Variants in CRACD observed in about 807,000 individuals in gnomAD.
CRACD encodes capping protein-inhibiting regulator of actin dynamics.
In CRACD, 56 loss-of-function variants were observed where a neutral mutation model predicts 106.8. The observed-to-expected ratio is 0.52, with a 90% CI of 0.42 to 0.66. CRACD has a LOEUF of 0.66. CRACD is among the 30% of genes least tolerant of loss of function. The pLI is 0.00. For synonymous variants in CRACD, 754 were observed against 670.8 expected (o/e 1.12, Z -1.92); for missense variants, 1,730 against 1,623.2 (o/e 1.07, Z -1.13).
intron 1 of CRACD, among the ~76,000 whole-genome samples, chr4:56,140,839 A>G (rs1420653398): frequency 1.3e-5 from 2 of 152,198 alleles, no homozygotes; most frequent in Non-Finnish European, 2.9e-5. Context: ...TTGTCCTTCC[A>G]TAATGCAGTC....
chr4:56,222,128 T>C (rs1385168176), intron 2 of CRACD, among the ~76,000 whole-genome samples: 2 of 152,200 alleles, frequency 1.3e-5, no homozygotes, highest in African/African-American at 4.8e-5. Flanking sequence ...TGCAAAGATA[T>C]GGAGCCAATC....
chr4:56,289,637 G>GCAGAATGCCTGGGCAA (rs1010469754), intron 3 of CRACD, among the ~76,000 whole-genome samples: 2 of 150,416 alleles, frequency 1.3e-5, no homozygotes, highest in African/African-American at 2.5e-5. Context: ...GACCACTGCA[G>GCAGAATGCCTGGGCAA]CAGAATGCCT....
chr4:56,229,846 C>T (rs1024376578), intron 2 of CRACD, among the ~76,000 whole-genome samples: 1 of 152,156 alleles, frequency 6.6e-6, no homozygotes, highest in Non-Finnish European at 1.5e-5. Flanking sequence ...CATTGCTACC[C>T]CTGCACAACT....
chr4:56,160,185 AT>A (rs544168622), intron 1 of CRACD, among the ~76,000 whole-genome samples: 10,259 of 63,092 alleles, frequency 0.16, 494 homozygotes, highest in African/African-American at 0.31. Context: ...CCATATTTTG[AT>A]TTTTTTTTTT....
At chr4:56,167,779 TA>T (rs1360114166) in intron 1 of CRACD, among the ~76,000 whole-genome samples, 2 of 152,208 alleles carry the variant, frequency 1.3e-5, no homozygotes, top group African/African-American at 4.8e-5. Context: ...TGAATGGACT[TA>T]AAAAATGTGA....
At chr4:56,142,642 A>G (rs976750366) in intron 1 of CRACD, among the ~76,000 whole-genome samples, 1 of 152,116 alleles carries the variant, frequency 6.6e-6, no homozygotes, top group Non-Finnish European at 1.5e-5. Flanking sequence ...TCAGCTATTT[A>G]TAACATTTTC....
intron 1 of CRACD, among the ~76,000 whole-genome samples, chr4:56,123,946 C>CTT (rs1350405591): frequency 2.3e-4 from 22 of 94,670 alleles, no homozygotes; most frequent in Admixed American, 3.1e-4. Context: ...ATTTTAAAAT[C>CTT]ATTTTTTTTT....
intron 1 of CRACD, among the ~76,000 whole-genome samples, chr4:56,175,799 T>C (rs534813138): frequency 2.0e-5 from 3 of 152,342 alleles, no homozygotes; most frequent in Admixed American, 6.5e-5. Flanking sequence ...GTAATCCCAA[T>C]TGTTAATTTT....
At chr4:56,069,606 T>G (rs568442083) in intron 1 of CRACD, among the ~76,000 whole-genome samples, 2 of 152,306 alleles carry the variant, frequency 1.3e-5, no homozygotes, top group Non-Finnish European at 2.9e-5. Flanking sequence ...GCTCCTACTT[T>G]TAAGGCACTC....
intron 1 of CRACD, among the ~76,000 whole-genome samples, chr4:56,110,981 T>C (rs1184223180): frequency 1.3e-5 from 2 of 152,108 alleles, no homozygotes; most frequent in Non-Finnish European, 2.9e-5. Context: ...CTGAAACAAT[T>C]AGTCACTCAG....
chr4:56,094,954 A>T (rs1311465594), intron 1 of CRACD, among the ~76,000 whole-genome samples: 1 of 152,206 alleles, frequency 6.6e-6, no homozygotes, highest in Non-Finnish European at 1.5e-5. Flanking sequence ...CAAGATATAG[A>T]TTATTTAGAA....
chr4:56,115,060 CTT>C (rs995584178), intron 1 of CRACD, among the ~76,000 whole-genome samples: 10 of 152,146 alleles, frequency 6.6e-5, no homozygotes, highest in African/African-American at 2.4e-4. Flanking sequence ...TTGGAATTGA[CTT>C]ATAGTAATTC....
chr4:56,240,803 C>A (rs542930155), intron 2 of CRACD, among the ~76,000 whole-genome samples: 1 of 152,164 alleles, frequency 6.6e-6, no homozygotes, highest in Non-Finnish European at 1.5e-5. Flanking sequence ...AAAGAAGATT[C>A]TTAGGTTTGT....
chr4:56,135,327 A>G (rs1249862741), intron 1 of CRACD, among the ~76,000 whole-genome samples: 1 of 152,208 alleles, frequency 6.6e-6, no homozygotes, highest in Non-Finnish European at 1.5e-5. Flanking sequence ...TGCTTTTGCT[A>G]AAAGCCATGT....
rs1577926278 is a variant in CRACD at position 56,328,493 on chromosome 4, T to C, written c.*689T>C. 2 of 464,622 alleles carry C rather than the reference T, an allele frequency of 4.3e-6. No individual in the cohort carries two copies. The highest frequency in any genetic ancestry group is 1.1e-4 in the East Asian group (2 of 17,558). The allele number at this position is 464,622 out of a possible 1,614,324, so 28.8% of individuals were successfully genotyped here. On this transcript the variant is annotated 3_prime_UTR_variant, in exon 11 of 11. Coordinates refer to ENST00000682029, the MANE Select transcript of CRACD (RefSeq NM_001393381.1). ...CCCTCCTTAAGGACATGTGAAGCAT[T>C]TGGCCCAGTTGGCTCCCAGGGAACA...
At chr4:56,080,532 C>T (rs1732986962) in intron 1 of CRACD, among the ~76,000 whole-genome samples, 1 of 152,250 alleles carries the variant, frequency 6.6e-6, no homozygotes, top group Non-Finnish European at 1.5e-5. Context: ...AGTGCTGTTA[C>T]AGCACACATG....
Position 56,316,505 on chromosome 4 carries a change from T to G in CRACD, c.3003T>G (p.Ser1001Arg), listed in dbSNP as rs1745666072. 1.9e-6 allele frequency: 3 copies of G among 1,613,682 alleles called. No homozygotes were observed. Among genetic ancestry groups the G allele is most frequent in the Non-Finnish European group, 2.5e-6 (3 of 1,179,762 alleles). ...RRAGRPDPEP[S>R]EPSKEDQESS... is the part of the protein sequence containing the mutation. ...CGGGGAGGCCGGACCCAGAGCCAAG[T>G]GAGCCGTCCAAGGAGGACCAGGAGA... The change falls in exon 8 of 11, where the codon AGT becomes AGG. Residue 1001 changes from serine (S) to arginine (R), a missense_variant. Physicochemically the swap from Ser to Arg is moderately radical, Grantham distance 110. Coordinates refer to ENST00000682029, the MANE Select transcript of CRACD (RefSeq NM_001393381.1).
chr4:56,171,415 T>G (rs1736358067), intron 1 of CRACD, among the ~76,000 whole-genome samples: 1 of 152,228 alleles, frequency 6.6e-6, no homozygotes, highest in African/African-American at 2.4e-5. Flanking sequence ...TCAAGTAGTG[T>G]TGTCCAGTTA....
chr4:56,163,260 T>C (rs1272349811), intron 1 of CRACD, among the ~76,000 whole-genome samples: 1 of 151,890 alleles, frequency 6.6e-6, no homozygotes, highest in Non-Finnish European at 1.5e-5. Context: ...TTTAAAGCTA[T>C]AAATATTCAG....
Sources: allele counts gnomAD v4.1 joint callset (sites outside exome capture counted in the v4.1 genomes callset), GRCh38; gene constraint gnomAD v4.1.1; transcripts MANE v1.5; gene names NCBI Gene and HGNC (gene_info 2026-07-23, HGNC 2026-07-21).